Variants in TRAPPC9 observed in about 807,000 individuals in gnomAD.
The protein encoded by TRAPPC9 is trafficking protein particle complex subunit 9, also known as IKK2 binding protein.
A neutral mutation model predicts 124.0 loss-of-function variants in TRAPPC9; 83 were observed. The ratio of observed to expected loss-of-function variants is 0.67; its 90% CI spans 0.56 to 0.80. The LOEUF is 0.80. TRAPPC9 is among the 30% of genes least tolerant of loss of function. The pLI is 0.00. For synonymous variants in TRAPPC9, 638 were observed against 617.5 expected (o/e 1.03, Z -0.49); for missense variants, 1,302 against 1,508.3 (o/e 0.86, Z 2.27).
intron 17 of TRAPPC9, chr8:140,096,183 G>C (rs925269078): frequency 1.3e-5 from 2 of 152,216 alleles, no homozygotes; most frequent in Non-Finnish European, 2.9e-5. Flanking sequence ...TAAATTAGCA[G>C]TGTGCCCACA....
intron 18 of TRAPPC9, 35 bp from the exon 19 acceptor site, chr8:139,988,871 T>C: frequency 7.2e-7 from 1 of 1,391,790 alleles, no homozygotes; most frequent in Non-Finnish European, 1.0e-6. Flanking sequence ...CAGAATCCTC[T>C]GACAGCCAAA....
intron 19 of TRAPPC9, among the ~76,000 whole-genome samples, chr8:139,952,202 G>C (rs1012446708): frequency 2.0e-5 from 3 of 152,142 alleles, no homozygotes; most frequent in African/African-American, 7.2e-5. Context: ...TTCAGAATTA[G>C]ATTAATAGCA....
At chr8:140,274,628 A>ACT (rs1221245002) in intron 15 of TRAPPC9, among the ~76,000 whole-genome samples, 1 of 152,066 alleles carries the variant, frequency 6.6e-6, no homozygotes, top group Non-Finnish European at 1.5e-5. Flanking sequence ...CACACTCCAA[A>ACT]CTCATTCTCT....
intron 7 of TRAPPC9, among the ~76,000 whole-genome samples, chr8:140,383,853 C>T (rs1400520724): frequency 6.6e-6 from 1 of 152,220 alleles, no homozygotes; most frequent in East Asian, 1.9e-4. Flanking sequence ...CTCCAAGACA[C>T]ATAATTGTCA....
chr8:140,388,956 C>CT (rs1244741598), intron 7 of TRAPPC9, among the ~76,000 whole-genome samples: 1,830 of 125,332 alleles, frequency 0.015, 36 homozygotes, highest in African/African-American at 0.042. Flanking sequence ...CAAACACTGT[C>CT]TTTTTTTTTT....
intron 17 of TRAPPC9, among the ~76,000 whole-genome samples, chr8:140,217,050 C>G (rs868839014): frequency 2.3e-4 from 35 of 152,272 alleles, no homozygotes; most frequent in Non-Finnish European, 4.4e-4. Context: ...AAAAAGGAGG[C>G]CCCTGAAATC....
intron 21 of TRAPPC9, among the ~76,000 whole-genome samples, chr8:139,765,481 A>G (rs1189453381): frequency 6.6e-6 from 1 of 152,230 alleles, no homozygotes; most frequent in Non-Finnish European, 1.5e-5. Flanking sequence ...CTTAAAGGAC[A>G]GGGTGGCCGT....
intron 9 of TRAPPC9, among the ~76,000 whole-genome samples, chr8:140,338,422 G>A (rs568187137): frequency 1.4e-4 from 21 of 152,302 alleles, no homozygotes; most frequent in Admixed American, 3.3e-4. Flanking sequence ...AGTGGATAGC[G>A]ACCAGCGTCC....
intron 21 of TRAPPC9, among the ~76,000 whole-genome samples, chr8:139,814,156 A>C (rs367898481): frequency 1.2e-4 from 18 of 152,366 alleles, no homozygotes; most frequent in African/African-American, 3.4e-4. Context: ...CAGTCCACCC[A>C]GCAGCCCTGT....
intron 6 of TRAPPC9, chr8:140,405,372 C>T (rs2132430782): frequency 3.9e-6 from 2 of 512,492 alleles, no homozygotes; most frequent in Non-Finnish European, 6.7e-6. Context: ...TCTCTCTTTT[C>T]CAAATTTATT....
chr8:140,081,625 C>T (rs1342920960), intron 17 of TRAPPC9, among the ~76,000 whole-genome samples: 3 of 152,160 alleles, frequency 2.0e-5, no homozygotes, highest in Admixed American at 6.5e-5. Context: ...GGATGACAGG[C>T]GTGAGCACTG....
Position 140,256,122 on chromosome 8 carries a change from C to T in TRAPPC9, c.2279-3193G>A, listed in dbSNP as rs185091424. ...GGGGCAAAGGGTACAAAACACTGGT[C>T]GCTTTGGTATTTCATGATGACAACA... On this transcript the variant is annotated intron_variant, in intron 15 of 22. Coordinates refer to ENST00000438773, the MANE Select transcript of TRAPPC9 (RefSeq NM_001160372.4). 7.9e-5 allele frequency among the ~76,000 whole-genome samples: 12 copies of T among 152,312 alleles called. 1 individual carries two copies. The East Asian group carries it at 1.2e-3, about 15-fold the overall frequency.
At chr8:140,370,842 T>C in intron 8 of TRAPPC9, 122 bp downstream of exon 8, 1 of 1,066,024 alleles carries the variant, frequency 9.4e-7, no homozygotes. Context: ...AGGGCAGGGA[T>C]CTAGTCATTC....
At chr8:139,752,991 C>A (rs1476571150) in intron 21 of TRAPPC9, among the ~76,000 whole-genome samples, 1 of 151,192 alleles carries the variant, frequency 6.6e-6, no homozygotes, top group African/African-American at 2.4e-5. Flanking sequence ...ATCCATCCAT[C>A]CAACTTCTAC....
At chr8:140,034,558 G>A (rs1425947656) in intron 17 of TRAPPC9, among the ~76,000 whole-genome samples, 1 of 152,156 alleles carries the variant, frequency 6.6e-6, no homozygotes, top group East Asian at 1.9e-4. Context: ...CTGCGGGCAG[G>A]GACCATGCTC....
chr8:140,051,349 T>C (rs776382225), intron 17 of TRAPPC9, among the ~76,000 whole-genome samples: 1 of 152,360 alleles, frequency 6.6e-6, no homozygotes, highest in Non-Finnish European at 1.5e-5. Context: ...CTGTAAGCCC[T>C]GCACCGTTGG....
intron 19 of TRAPPC9, among the ~76,000 whole-genome samples, chr8:139,963,469 T>C (rs1053014845): frequency 3.7e-4 from 56 of 152,202 alleles, no homozygotes; most frequent in African/African-American, 1.3e-3. Context: ...ATTCCCTGGG[T>C]GAGCGTGGCT....
chr8:140,333,125 C>CAA lies in TRAPPC9; in HGVS notation c.1496-21753_1496-21752dup, dbSNP rs34690399. ...TGGGCTAAAAAGCGAGACTTTGTCT[C>CAA]AAAAAAAAAAAAGAGAAAAAGAAAA... On this transcript the variant is annotated intron_variant, in intron 9 of 22. Coordinates refer to ENST00000438773, the MANE Select transcript of TRAPPC9 (RefSeq NM_001160372.4). Among the ~76,000 whole-genome samples the CAA allele has an allele frequency of 1.1e-3, 150 of 139,154 alleles. 3 individuals are homozygous for CAA. The highest frequency in any genetic ancestry group is 1.9e-3 in the African/African-American group (73 of 38,640). The allele number at this position is 139,154 out of a possible 152,430, so 91.3% of individuals were successfully genotyped here. A position where few individuals can be genotyped will look rare whatever the true frequency, so the allele number is the denominator to read the frequency against.
chr8:139,870,194 G>C (rs770482970), intron 21 of TRAPPC9, among the ~76,000 whole-genome samples: 1 of 152,160 alleles, frequency 6.6e-6, no homozygotes. Flanking sequence ...ATGACTTGGG[G>C]CCAATTAGGT....
Sources: allele counts gnomAD v4.1 joint callset (sites outside exome capture counted in the v4.1 genomes callset), GRCh38; gene constraint gnomAD v4.1.1; transcripts MANE v1.5; gene names NCBI Gene and HGNC (gene_info 2026-07-23, HGNC 2026-07-21).